Variants in LUZP2 observed in about 807,000 individuals in gnomAD.
The protein encoded by LUZP2 is leucine zipper protein 2.
A neutral mutation model predicts 51.6 loss-of-function variants in LUZP2; 52 were observed. The observed-to-expected ratio is 1.01, with a 90% CI of 0.81 to 1.27. The LOEUF (loss-of-function observed/expected upper bound fraction) is 1.27, where lower values mean the gene tolerates loss of function less well. Ranked by LOEUF, LUZP2 falls within the 50% of genes most tolerant of loss-of-function variation. The pLI, the probability that LUZP2 is intolerant of heterozygous loss-of-function variation, is 0.00. For missense variants in LUZP2, 436 were observed against 395.4 expected, an observed-to-expected ratio of 1.10 and a Z score of -0.87; for synonymous variants, 154 against 137.3, an observed-to-expected ratio of 1.12 and a Z score of -0.85.
intron 9 of LUZP2, among the ~76,000 whole-genome samples, chr11:25,011,104 C>G (rs1856972594): frequency 6.6e-6 from 1 of 151,986 alleles, no homozygotes; most frequent in African/African-American, 2.4e-5. Flanking sequence ...GAACAGCAAC[C>G]CTCGAGGGCA....
At position 24,722,571 on chromosome 11, in the gene LUZP2, A is replaced by G. The variant is rs571871377; in HGVS notation, c.63-6598A>G. On this transcript the variant is annotated intron_variant, in intron 1 of 11. Transcript: ENST00000336930. Reference sequence around the variant, plus strand: ...ATTTGGGAGGGGACACAGCCAAACCATATCAATATTTATATTATCAACAAC... The same window carrying G: ...ATTTGGGAGGGGACACAGCCAAACCGTATCAATATTTATATTATCAACAAC... Among the ~76,000 whole-genome samples the G allele has an allele frequency of 8.5e-5, 13 of 152,270 alleles. No homozygotes were observed. In the South Asian group the frequency reaches 1.5e-3, roughly 17 times the overall value.
In LUZP2 at chr11:25,077,359, G is replaced by A. The variant is rs762076490; in HGVS notation, c.889G>A (p.Glu297Lys). ...CAGACCGTGTTCCATGAAGCACAAAGAAAGTCCCCCAAGTAATGCCACTGC... is the reference window on the plus strand; with the variant it reads ...CAGACCGTGTTCCATGAAGCACAAAAAAAGTCCCCCAAGTAATGCCACTGC... Reference protein sequence around the residue: ...EGRPCSMKHKESPPSNATAET... With the variant: ...EGRPCSMKHKKSPPSNATAET... Residue 297 changes from glutamate (E) to lysine (K), a missense_variant, in exon 11 of 12, where the codon GAA becomes AAA. By Grantham distance (56) the Glu-to-Lys change is moderately conservative. Transcript: ENST00000336930. 1 of 1,613,060 alleles carries A rather than the reference G, an allele frequency of 6.2e-7. No homozygotes were observed. Among genetic ancestry groups the A allele is most frequent in the Non-Finnish European group, 8.5e-7 (1 of 1,179,338 alleles).
At chr11:24,656,464 T>C (rs987540826) in intron 1 of LUZP2, among the ~76,000 whole-genome samples, 18 of 152,172 alleles carry the variant, frequency 1.2e-4, no homozygotes, top group Admixed American at 2.0e-4. Flanking sequence ...TACCACAAAC[T>C]TAGTGTCTTA....
chr11:24,601,896 G>GTGTATATGTATACATGTATATATGTA, intron 1 of LUZP2, among the ~76,000 whole-genome samples: 1 of 40,220 alleles, frequency 2.5e-5, no homozygotes, highest in East Asian at 5.2e-4. Flanking sequence ...ATGTATATAT[G>GTGTATATGTATACATGTATATATGTA]TATATATGTA....
At chr11:24,957,958 G>T (rs1023201903) in intron 7 of LUZP2, among the ~76,000 whole-genome samples, 2 of 151,970 alleles carry the variant, frequency 1.3e-5, no homozygotes, top group Admixed American at 1.3e-4. Context: ...GTGTCCATGT[G>T]TTCTCATTGT....
intron 5 of LUZP2, among the ~76,000 whole-genome samples, chr11:24,813,354 G>A (rs959810658): frequency 6.6e-6 from 1 of 152,194 alleles, no homozygotes; most frequent in African/African-American, 2.4e-5. Context: ...AAAGAAATAA[G>A]TTTAATTGGC....
chr11:24,594,921 G>A (rs1853387780), intron 1 of LUZP2, among the ~76,000 whole-genome samples: 1 of 151,448 alleles, frequency 6.6e-6, no homozygotes, highest in African/African-American at 2.4e-5. Flanking sequence ...CACCATGCCC[G>A]GCTAATTTTT....
intron 1 of LUZP2, among the ~76,000 whole-genome samples, chr11:24,580,663 G>A (rs1852819150): frequency 2.6e-5 from 4 of 151,974 alleles, no homozygotes; most frequent in Admixed American, 2.6e-4. Context: ...GTGATAAACA[G>A]CTGATGAATT....
chr11:24,984,419 G>A (rs1415339423), intron 9 of LUZP2, among the ~76,000 whole-genome samples: 1 of 149,780 alleles, frequency 6.7e-6, no homozygotes, highest in Non-Finnish European at 1.5e-5. Context: ...TAGTCTGTAT[G>A]AGATCCTTAT....
At chr11:24,806,955 C>T (rs190610016) in intron 5 of LUZP2, among the ~76,000 whole-genome samples, 8 of 134,962 alleles carry the variant, frequency 5.9e-5, no homozygotes, top group Admixed American at 2.4e-4. Context: ...AGGGTTAGTT[C>T]ATTAACATTT....
At chr11:24,851,549 T>C (rs895072382) in intron 5 of LUZP2, among the ~76,000 whole-genome samples, 4 of 152,202 alleles carry the variant, frequency 2.6e-5, no homozygotes, top group Admixed American at 2.0e-4. Flanking sequence ...ATCAAGGATA[T>C]TGGCCTGAAA....
At chr11:25,059,755 G>A (rs538349569) in intron 10 of LUZP2, among the ~76,000 whole-genome samples, 1 of 152,212 alleles carries the variant, frequency 6.6e-6, no homozygotes, top group African/African-American at 2.4e-5. Context: ...AAGAAACAAA[G>A]AACTGAGGGG....
intron 1 of LUZP2, among the ~76,000 whole-genome samples, chr11:24,544,240 A>G (rs566202407): frequency 6.6e-6 from 1 of 152,224 alleles, no homozygotes; most frequent in East Asian, 1.9e-4. Context: ...AGTTTGCGTC[A>G]TCCTGATTTC....
chr11:24,526,033 G>C (rs1437737768), intron 1 of LUZP2, among the ~76,000 whole-genome samples: 1 of 151,080 alleles, frequency 6.6e-6, no homozygotes, highest in Non-Finnish European at 1.5e-5. Flanking sequence ...CAAATACTGA[G>C]GTACTTTCAA....
At chr11:24,506,863 T>C (rs764328094) in intron 1 of LUZP2, among the ~76,000 whole-genome samples, 12 of 152,098 alleles carry the variant, frequency 7.9e-5, no homozygotes, top group Non-Finnish European at 1.5e-4. Context: ...ATGAAACTAT[T>C]AGGCTGCCTA....
intron 1 of LUZP2, among the ~76,000 whole-genome samples, chr11:24,632,834 G>C (rs973764391): frequency 6.6e-6 from 1 of 152,000 alleles, no homozygotes; most frequent in African/African-American, 2.4e-5. Flanking sequence ...TCAGATATAT[G>C]CATCTTGCAG....
At chr11:24,754,925 C>T (rs545809372) in intron 4 of LUZP2, among the ~76,000 whole-genome samples, 14 of 152,228 alleles carry the variant, frequency 9.2e-5, no homozygotes, top group Middle Eastern at 3.4e-3. Context: ...GTGGGTGGAT[C>T]GCCTGAGGTC....
intron 7 of LUZP2, among the ~76,000 whole-genome samples, chr11:24,926,363 A>ATATATATATACGTGTG (rs1357769047): frequency 9.0e-5 from 4 of 44,452 alleles, no homozygotes; most frequent in Non-Finnish European, 1.3e-4. Context: ...ATACGTGTGT[A>ATATATATATACGTGTG]TATATATATA....
intron 1 of LUZP2, among the ~76,000 whole-genome samples, chr11:24,583,959 G>A (rs1022427096): frequency 6.6e-6 from 1 of 151,774 alleles, no homozygotes; most frequent in African/African-American, 2.4e-5. Context: ...TGATCCGCCG[G>A]TCTCGGCCTC....
Sources: gnomAD v4.1 joint callset for allele counts (sites outside exome capture counted in the v4.1 genomes callset) on GRCh38, gnomAD v4.1.1 for gene constraint, MANE v1.5 for transcripts, NCBI Gene and HGNC (gene_info 2026-07-23, HGNC 2026-07-21) for gene names.